Variants in GCC2 observed in about 807,000 individuals in gnomAD.
GCC2 encodes GRIP and coiled-coil domain containing 2.
In GCC2, 120 loss-of-function variants were observed where a neutral mutation model predicts 210.6. The observed-to-expected ratio is 0.57, with a 90% CI of 0.49 to 0.66. The LOEUF (loss-of-function observed/expected upper bound fraction) is 0.66. Ranked by LOEUF, GCC2 falls within the 30% of genes least tolerant of loss-of-function variation. The pLI, the probability that GCC2 is intolerant of heterozygous loss-of-function variation, is 0.00. For synonymous variants in GCC2, 703 were observed against 652.7 expected (o/e 1.08, Z -1.17); for missense variants, 1,868 against 1,871.9 (o/e 1.00, Z 0.04).
rs1558759767 is a variant in GCC2, at chr2:108,496,954, G to T, written c.4643-16G>T. The T allele has an allele frequency of 6.2e-7, 1 of 1,611,538 alleles. No individual in the cohort carries two copies. Among genetic ancestry groups the T allele is most frequent in the East Asian group, 2.2e-5 (1 of 44,874 alleles). On this transcript the variant is annotated splice_polypyrimidine_tract_variant and intron_variant, in intron 20 of 22. Transcript: ENST00000309863. The stretch of plus-strand genomic sequence containing the variant: ...GTATGATTTTGAAAATTAATTCTTG[G>T]AACAACATGTTGCAGAGCCTCCATT...
chr2:108,473,408 G>C (rs369684828), intron 7 of GCC2: 1 of 152,440 alleles, frequency 6.6e-6, no homozygotes, highest in Non-Finnish European at 1.5e-5. Context: ...TAGGAAGAAG[G>C]AAGAGCAGGT....
At position 108,495,493 on chromosome 2, in the gene GCC2, ACT is replaced by A. The variant is rs1477530225; in HGVS notation, c.4642+11_4642+12del. 1 of 1,558,922 alleles carries A rather than the reference ACT, an allele frequency of 6.4e-7. No homozygotes were observed. Among genetic ancestry groups the A allele is most frequent in the Non-Finnish European group, 8.7e-7 (1 of 1,148,272 alleles). ...CTCCCGAAACTAAACTTGGTATGTTACTCTGTCTAAATATGTTTTTCTTATTT... is the reference window on the plus strand; with the variant it reads ...CTCCCGAAACTAAACTTGGTATGTTACTGTCTAAATATGTTTTTCTTATTT... On this transcript the variant is annotated intron_variant, in intron 20 of 22. Coordinates refer to ENST00000309863, the MANE Select transcript of GCC2 (RefSeq NM_181453.4).
chr2:108,498,183 C>CTTTTTTTTTTTTTTTT (rs3084885), intron 21 of GCC2, among the ~76,000 whole-genome samples: 2 of 57,478 alleles, frequency 3.5e-5, no homozygotes, highest in Non-Finnish European at 6.3e-5. Flanking sequence ...GTTATATTTT[C>CTTTTTTTTTTTTTTTT]TTTTTTTTTT....
intron 4 of GCC2, among the ~76,000 whole-genome samples, chr2:108,467,350 A>T (rs769980656): frequency 6.6e-6 from 1 of 152,204 alleles, no homozygotes; most frequent in Non-Finnish European, 1.5e-5. Flanking sequence ...CTGACTTTGT[A>T]TATTAATCCT....
intron 19 of GCC2, chr2:108,493,936 T>C: frequency 1.0e-6 from 1 of 985,126 alleles, no homozygotes; most frequent in Non-Finnish European, 1.2e-6. Flanking sequence ...AAATGCAAAA[T>C]AAATGAAATC....
chr2:108,507,254 A>G (rs1683237215), intron 22 of GCC2, among the ~76,000 whole-genome samples: 1 of 152,000 alleles, frequency 6.6e-6, no homozygotes, highest in African/African-American at 2.4e-5. Context: ...TTACCCAGGC[A>G]TGGTGGCACA....
At chr2:108,450,880 T>TTA in intron 2 of GCC2, 148 bp from the exon 3 acceptor site, 3 of 583,400 alleles carry the variant, frequency 5.1e-6, no homozygotes, top group East Asian at 3.2e-5. Flanking sequence ...AGACTCTGTC[T>TTA]CAAAAAAAAA....
At chr2:108,482,931 C>T (rs1421554894) in intron 11 of GCC2, 131 bp from the exon 12 acceptor site, 37 of 612,804 alleles carry the variant, frequency 6.0e-5, no homozygotes, top group Non-Finnish European at 8.0e-5. Context: ...CCACCCGCCT[C>T]GGCCTCCCAA....
chr2:108,477,445 C>T (rs537542127), intron 9 of GCC2, among the ~76,000 whole-genome samples: 4 of 152,230 alleles, frequency 2.6e-5, no homozygotes, highest in South Asian at 4.1e-4. Flanking sequence ...TCACAGACTC[C>T]GATTTCTTAA....
chr2:108,469,740 G>A lies in GCC2; in HGVS notation c.411G>A (p.Glu137=), dbSNP rs759830991. The change falls in exon 6 of 23, where the codon GAG becomes GAA. Residue 137 remains glutamate, a synonymous_variant. Coordinates refer to ENST00000309863, the MANE Select transcript of GCC2 (RefSeq NM_181453.4). ...AAGAAATTGAAAATTTGAAAAATGA[G>A]TTGATGGCAGTACGTTCCAAATACA... ...YVKEIENLKN[E]LMAVRSKYSE... The A allele has an allele frequency of 1.4e-5, 23 of 1,613,218 alleles. No individual in the cohort carries two copies. Among genetic ancestry groups the A allele is most frequent in the Non-Finnish European group, 2.0e-5 (23 of 1,179,472 alleles).
intron 5 of GCC2, 155 bp from the exon 6 acceptor site, chr2:108,469,496 G>T: frequency 1.7e-6 from 1 of 572,612 alleles, no homozygotes. Context: ...CAGCACCTAA[G>T]GAGAGTTATT....
chr2:108,465,451 C>T (rs1364685211), intron 4 of GCC2, among the ~76,000 whole-genome samples: 1 of 152,136 alleles, frequency 6.6e-6, no homozygotes, highest in East Asian at 1.9e-4. Flanking sequence ...CACCCATCAC[C>T]AGAGTAGTGA....
chr2:108,499,271 G>C (rs1376838813), intron 21 of GCC2, among the ~76,000 whole-genome samples: 1 of 152,042 alleles, frequency 6.6e-6, no homozygotes, highest in Non-Finnish European at 1.5e-5. Context: ...CCAACACTTG[G>C]TTCATACGCA....
At chr2:108,475,706 TA>T (rs751521940) in intron 8 of GCC2, 45 bp from the exon 9 acceptor site, 109 of 1,396,830 alleles carry the variant, frequency 7.8e-5, no homozygotes, top group Admixed American at 1.7e-4. Flanking sequence ...TTCTATCCAT[TA>T]AAAAAAAACA....
In GCC2 at chr2:108,478,190, GT is replaced by G. The variant is rs1681643152; in HGVS notation, c.3060+2346del. On this transcript the variant is annotated intron_variant, in intron 9 of 22. Coordinates refer to ENST00000309863, the MANE Select transcript of GCC2 (RefSeq NM_181453.4). ...AAGCCCATATATAAATTTTAAATGG[GT>G]TTTTTAATGGATTTGTAAGATCTTT... 1.3e-5 allele frequency among the ~76,000 whole-genome samples: 2 copies of G among 150,398 alleles called. 1 individual carries two copies. The highest frequency in any genetic ancestry group is 4.9e-5 in the African/African-American group (2 of 40,660).
chr2:108,475,597 G>T lies in GCC2; in HGVS notation c.2923G>T (p.Val975Leu). The stretch of plus-strand genomic sequence containing the variant: ...AATAAATAAGATAAAATTAGTTGCC[G>T]TAAAGGCAAAGAAAGAACTAGATTC... ...EKINKIKLVAVKAKKELDSSR... is the reference protein window; with the variant it reads ...EKINKIKLVALKAKKELDSSR... The change falls in exon 8 of 23, where the codon GTA becomes TTA. Residue 975 changes from valine to leucine, a missense_variant. Val to Leu is a conservative substitution (Grantham distance 32). This residue lies in a region of GCC2 where 1,847 missense variants were observed against 1,765.2 expected (regional missense o/e 1.05). Transcript: ENST00000309863. The T allele has an allele frequency of 6.5e-7, 1 of 1,538,536 alleles. No individual in the cohort carries two copies. The highest frequency in any genetic ancestry group is 1.4e-5 in the African/African-American group (1 of 71,536).
chr2:108,500,127 C>G (rs1431382886), intron 22 of GCC2, among the ~76,000 whole-genome samples: 5 of 146,724 alleles, frequency 3.4e-5, no homozygotes, highest in South Asian at 2.2e-4. Flanking sequence ...CTTCCTTCCT[C>G]CAACCCCAAA....
intron 4 of GCC2, among the ~76,000 whole-genome samples, chr2:108,465,659 A>G (rs920067627): frequency 2.0e-5 from 3 of 152,304 alleles, no homozygotes; most frequent in Admixed American, 6.5e-5. Flanking sequence ...AAGTTGCCTA[A>G]AAACACATTA....
chr2:108,455,519 C>A (rs1680211848), intron 4 of GCC2, among the ~76,000 whole-genome samples: 1 of 150,650 alleles, frequency 6.6e-6, no homozygotes, highest in Non-Finnish European at 1.5e-5. Flanking sequence ...TTTCCTGATC[C>A]ATTATATTTA....
Sources: gnomAD v4.1 joint callset for allele counts (sites outside exome capture counted in the v4.1 genomes callset) on GRCh38, gnomAD v4.1.1 for gene constraint, gnomAD v4.1.1 regional missense constraint, MANE v1.5 for transcripts, NCBI Gene and HGNC (gene_info 2026-07-23, HGNC 2026-07-21) for gene names.